The following PHACTR3 variants were observed in gnomAD, a reference collection of about 807,000 sequenced individuals.
PHACTR3 encodes the protein protein phosphatase 1, regulatory subunit 123.
In PHACTR3, 16 loss-of-function variants were observed where a neutral mutation model predicts 66.8. The observed-to-expected ratio is 0.24, with a 90% CI of 0.16 to 0.36. The LOEUF is 0.36. Among genes scored for constraint, PHACTR3 ranks in the 10% least tolerant of loss-of-function variants. The pLI is 1.00. For missense variants in PHACTR3, 647 were observed against 719.9 expected (o/e 0.90, Z 1.16); for synonymous variants, 323 against 292.1 (o/e 1.11, Z -1.08).
Position 59,773,290 on chromosome 20 carries a change from C to G in PHACTR3, c.763C>G (p.Leu255Val). 6.2e-7 allele frequency: 1 copy of G among 1,613,864 alleles called. No homozygotes were observed. The highest frequency in any genetic ancestry group is 2.2e-5 in the East Asian group (1 of 44,866). Residue 255 changes from leucine to valine, a missense_variant, in exon 6 of 13, where the codon CTC (leucine) becomes GTC (valine). This residue lies in a region of PHACTR3 where 577 missense variants were observed against 571.1 expected (regional missense o/e 1.01). Transcript: ENST00000371015. ...CTCCCACACCCCAGGCCAAGCCACA[C>G]TCTTCCAAGCCTCCAGCATGAAGAG... Reference protein sequence around the residue: ...TTKNVTGQATLFQASSMKSAD... With the variant: ...TTKNVTGQATVFQASSMKSAD...
intron 4 of PHACTR3, among the ~76,000 whole-genome samples, chr20:59,762,313 C>G (rs964609363): frequency 2.0e-5 from 3 of 152,264 alleles, no homozygotes; most frequent in Admixed American, 1.3e-4. Flanking sequence ...CAGAGACTTA[C>G]CCTTTACCCT....
intron 7 of PHACTR3, among the ~76,000 whole-genome samples, chr20:59,788,986 C>T (rs1052675239): frequency 1.3e-5 from 2 of 152,308 alleles, no homozygotes; most frequent in South Asian, 2.1e-4. Context: ...TTTCAGAAAA[C>T]GTCAGGCACT....
chr20:59,594,369 C>T (rs751624874), intron 1 of PHACTR3, among the ~76,000 whole-genome samples: 13 of 150,850 alleles, frequency 8.6e-5, no homozygotes, highest in African/African-American at 2.4e-4. Flanking sequence ...CATAGATTTT[C>T]ATGTCATTTG....
At chr20:59,649,489 C>G (rs1336708821) in intron 1 of PHACTR3, among the ~76,000 whole-genome samples, 1 of 152,010 alleles carries the variant, frequency 6.6e-6, no homozygotes, top group Non-Finnish European at 1.5e-5. Context: ...ATAAATTATA[C>G]TAGGTGGATT....
intron 9 of PHACTR3, among the ~76,000 whole-genome samples, chr20:59,839,959 G>A (rs1178843189): frequency 6.6e-6 from 1 of 152,118 alleles, no homozygotes; most frequent in Admixed American, 6.5e-5. Flanking sequence ...TATTTATATT[G>A]AAATGTACAT....
intron 7 of PHACTR3, among the ~76,000 whole-genome samples, chr20:59,776,431 C>A (rs1441714155): frequency 6.6e-6 from 1 of 152,176 alleles, no homozygotes; most frequent in Non-Finnish European, 1.5e-5. Context: ...GTGGATTAAT[C>A]CATGTCAGCC....
chr20:59,744,409 A>G (rs2039289742), intron 2 of PHACTR3, among the ~76,000 whole-genome samples: 1 of 152,196 alleles, frequency 6.6e-6, no homozygotes, highest in Non-Finnish European at 1.5e-5. Context: ...CCACACCTAA[A>G]AACAATTAGT....
At chr20:59,583,439 C>T (rs1046247743) in intron 1 of PHACTR3, among the ~76,000 whole-genome samples, 2 of 152,166 alleles carry the variant, frequency 1.3e-5, no homozygotes, top group Non-Finnish European at 2.9e-5. Context: ...TTTATTAATA[C>T]GATTGACAAT....
At chr20:59,707,465 T>TTC (rs551039336) in intron 1 of PHACTR3, among the ~76,000 whole-genome samples, 2 of 146,302 alleles carry the variant, frequency 1.4e-5, no homozygotes, top group Admixed American at 1.4e-4. Flanking sequence ...CTCTTTTTTT[T>TTC]TTTTTTTTTT....
intron 1 of PHACTR3, among the ~76,000 whole-genome samples, chr20:59,720,611 G>A (rs1481122992): frequency 3.9e-5 from 6 of 152,198 alleles, no homozygotes; most frequent in Non-Finnish European, 8.8e-5. Context: ...AGGGGAAGCC[G>A]AAGGTGCACA....
chr20:59,781,909 C>T (rs527717121), intron 7 of PHACTR3, among the ~76,000 whole-genome samples: 18 of 152,184 alleles, frequency 1.2e-4, no homozygotes, highest in East Asian at 1.9e-4. Context: ...GTCAGCTAGG[C>T]GGTACAAGAG....
rs765087613 is a variant in PHACTR3, at chr20:59,829,443, C to T, written c.1329-7062C>T. On this transcript the variant is annotated intron_variant, in intron 8 of 12. Transcript: ENST00000371015. This position sits in a 1 kb window ranked among gnomAD's most constrained non-coding sequence, Gnocchi z 4.2. Reference sequence around the variant, plus strand: ...CTTCCTGAACTTCTCTCCAGACACACCCACATTGCTCTGACGCTCTGAGAC... The same window carrying T: ...CTTCCTGAACTTCTCTCCAGACACATCCACATTGCTCTGACGCTCTGAGAC... Among the ~76,000 whole-genome samples, 15 of 152,362 alleles carry T rather than the reference C, an allele frequency of 9.8e-5. No individual in the cohort carries two copies. The highest frequency in any genetic ancestry group is 1.3e-4 in the Non-Finnish European group (9 of 68,036).
intron 1 of PHACTR3, among the ~76,000 whole-genome samples, chr20:59,587,916 T>C (rs898389086): frequency 8.5e-5 from 13 of 152,224 alleles, no homozygotes; most frequent in Non-Finnish European, 1.9e-4. Flanking sequence ...TGTCCACTCC[T>C]GCCTTCCCCT....
At chr20:59,732,016 A>G (rs1004079581) in intron 1 of PHACTR3, among the ~76,000 whole-genome samples, 4 of 152,208 alleles carry the variant, frequency 2.6e-5, no homozygotes, top group African/African-American at 9.6e-5. Context: ...AGCAAGGTGT[A>G]AATAGCGGTT....
In PHACTR3 at chr20:59,604,898, TTAA is replaced by T; in HGVS notation, c.-115_-113del. ...CGGCCTTTTTTTTTTTTTTTTTTTT[TTAA>T]TTTTCTTTTTTAAAAAGACGCCCCC... On this transcript the variant is annotated 5_prime_UTR_variant, in exon 1 of 13. Coordinates refer to ENST00000371015, the MANE Select transcript of PHACTR3 (RefSeq NM_080672.5). 9.3e-7 allele frequency: 1 copy of T among 1,079,378 alleles called. No homozygotes were observed. The highest frequency in any genetic ancestry group is 1.1e-6 in the Non-Finnish European group (1 of 891,242). The allele number at this position is 1,079,378 out of a possible 1,614,324, so 66.9% of individuals were successfully genotyped here.
intron 8 of PHACTR3, among the ~76,000 whole-genome samples, chr20:59,828,623 ATCTTTGCCGGACAGGGACAGTGTGAACAG>A (rs2042260198): frequency 6.6e-6 from 1 of 152,152 alleles, no homozygotes; most frequent in South Asian, 2.1e-4. Context: ...GGAGAAGGAC[ATCTTTGCCGGACAGGGACAGTGTGAACAG>A]CCACTTATTG....
intron 1 of PHACTR3, among the ~76,000 whole-genome samples, chr20:59,669,677 C>A (rs2036124914): frequency 6.6e-6 from 1 of 152,218 alleles, no homozygotes; most frequent in Admixed American, 6.5e-5. Flanking sequence ...CTTTCTGTTT[C>A]TTTAGATTTG....
upstream of PHACTR3, among the ~76,000 whole-genome samples, chr20:59,602,091 G>A (rs565206738): frequency 8.5e-5 from 13 of 152,310 alleles, no homozygotes; most frequent in African/African-American, 2.9e-4. Context: ...TAACATTAAG[G>A]AGGATGTCTC....
At chr20:59,822,972 C>T (rs2042092854) in intron 8 of PHACTR3, among the ~76,000 whole-genome samples, 1 of 152,146 alleles carries the variant, frequency 6.6e-6, no homozygotes, top group South Asian at 2.1e-4. Context: ...CCTGCCCGAG[C>T]AAAAGATCAG....
Sources: allele counts gnomAD v4.1 joint callset (sites outside exome capture counted in the v4.1 genomes callset), GRCh38; gene constraint gnomAD v4.1.1; regional missense constraint gnomAD v4.1.1; non-coding constraint Gnocchi (gnomAD v3.1); transcripts MANE v1.5; gene names NCBI Gene and HGNC (gene_info 2026-07-23, HGNC 2026-07-21).